The following TRPM6 variants were observed in gnomAD, a reference collection of about 807,000 sequenced individuals.
TRPM6 encodes channel kinase 2.
Under a neutral mutation model 247.6 loss-of-function variants are expected in TRPM6, and 111 were observed. The ratio of observed to expected loss-of-function variants is 0.45; its 90% confidence interval spans 0.38 to 0.52. The LOEUF (loss-of-function observed/expected upper bound fraction) is 0.52, where lower values mean the gene tolerates loss of function less well. Among genes scored for constraint, TRPM6 ranks in the 20% least tolerant of loss-of-function variants. The pLI is 0.00. For missense variants in TRPM6, 2,126 were observed against 2,421.5 expected (o/e 0.88, Z 2.56); for synonymous variants, 892 against 853.8 (o/e 1.04, Z -0.78).
intron 28 of TRPM6, 110 bp from the exon 29 acceptor site, chr9:74,752,478 A>G (rs1298557570): frequency 1.5e-6 from 1 of 680,452 alleles, no homozygotes; most frequent in East Asian, 2.8e-5. Context: ...AAACTTGGAT[A>G]TAGTTTTCCC....
At chr9:74,818,228 T>C (rs967040440) in intron 9 of TRPM6, among the ~76,000 whole-genome samples, 24 of 149,804 alleles carry the variant, frequency 1.6e-4, no homozygotes, top group Non-Finnish European at 2.5e-4. Flanking sequence ...CTGTGGCAAA[T>C]AGAAAGTGCA....
intron 38 of TRPM6, 83 bp downstream of exon 38, chr9:74,728,156 G>A (rs532596635): frequency 1.3e-5 from 14 of 1,092,368 alleles, no homozygotes; most frequent in African/African-American, 9.3e-5. Context: ...ATGTGATTAC[G>A]ATTTTCTACT....
rs1419581597 is a variant in TRPM6 at position 74,802,122 on chromosome 9, T to C, written c.1785A>G (p.Val595=). 10 of 1,614,058 alleles carry C rather than the reference T, an allele frequency of 6.2e-6. No homozygotes were observed. Among genetic ancestry groups the C allele is most frequent in the African/African-American group, 4.0e-5 (3 of 74,946 alleles). Residue 595 remains valine (V), a synonymous_variant, in exon 16 of 39, where the codon GTA becomes GTG. Coordinates refer to ENST00000360774, the MANE Select transcript of TRPM6 (RefSeq NM_017662.5). ...KSRKKSKEQN[V]SDDPESTGFL... is the part of the protein sequence containing the mutation. ...AGCCAGTAGACTCAGGGTCATCTGATACATTTTGTTCTTTTGACTTCTTCC... is the reference window on the plus strand; with the variant it reads ...AGCCAGTAGACTCAGGGTCATCTGACACATTTTGTTCTTTTGACTTCTTCC...
chr9:74,730,098 T>TA (rs1825471425), intron 37 of TRPM6, among the ~76,000 whole-genome samples: 1 of 152,214 alleles, frequency 6.6e-6, no homozygotes, highest in Non-Finnish European at 1.5e-5. Flanking sequence ...CTTGCAGTCT[T>TA]AGATAACCAG....
chr9:74,723,861 A>AAT lies in TRPM6; in HGVS notation c.*750_*751dup, dbSNP rs377601263. On this transcript the variant is annotated 3_prime_UTR_variant, in exon 39 of 39. Transcript: ENST00000360774. ...TATTCCATATGTATTTTATATATAT[A>AAT]ATATATATATTCCATATATATTATA... is the stretch of plus-strand genomic sequence containing the variant. 3 of 146,782 alleles carry AAT rather than the reference A, an allele frequency of 2.0e-5. No individual in the cohort carries two copies. Among genetic ancestry groups the AAT allele is most frequent in the African/African-American group, 5.0e-5 (2 of 40,322 alleles). 9.1% of individuals were successfully genotyped at this position (146,782 alleles called of 1,614,324 possible).
intron 3 of TRPM6, among the ~76,000 whole-genome samples, chr9:74,842,601 G>T (rs1468176532): frequency 6.6e-6 from 1 of 152,150 alleles, no homozygotes; most frequent in African/African-American, 2.4e-5. Context: ...GACATTGAAA[G>T]TTTGGTTCCA....
intron 37 of TRPM6, 123 bp from the exon 38 acceptor site, chr9:74,728,468 A>G (rs1825407596): frequency 1.2e-5 from 9 of 726,528 alleles, no homozygotes; most frequent in South Asian, 1.2e-4. Flanking sequence ...CCAACAAAAA[A>G]CAGAGCACTT....
chr9:74,784,105 A>G (rs1439181046), intron 21 of TRPM6, among the ~76,000 whole-genome samples: 1 of 151,970 alleles, frequency 6.6e-6, no homozygotes. Flanking sequence ...AAAAATAAAA[A>G]ATTAGCCGGG....
intron 37 of TRPM6, among the ~76,000 whole-genome samples, chr9:74,731,575 A>G (rs183237591): frequency 1.8e-4 from 28 of 151,834 alleles, no homozygotes; most frequent in African/African-American, 6.5e-4. Context: ...AGAAGCCTAC[A>G]TGTTTAGATT....
chr9:74,737,444 C>T, intron 36 of TRPM6: 1 of 1,289,676 alleles, frequency 7.8e-7, no homozygotes, highest in South Asian at 1.2e-5. Flanking sequence ...ATCCCAGAAC[C>T]AGAGAGCTGG....
chr9:74,784,343 A>T (rs912215523), intron 21 of TRPM6, among the ~76,000 whole-genome samples: 1 of 152,086 alleles, frequency 6.6e-6, no homozygotes, highest in Non-Finnish European at 1.5e-5. Flanking sequence ...GACAGACTGG[A>T]GCTAGGTGGC....
chr9:74,781,812 T>C (rs1446798537), intron 23 of TRPM6, among the ~76,000 whole-genome samples: 4 of 152,178 alleles, frequency 2.6e-5, no homozygotes, highest in Non-Finnish European at 5.9e-5. Context: ...TACATTGTAC[T>C]TTCCCCCCAC....
intron 27 of TRPM6, among the ~76,000 whole-genome samples, chr9:74,755,983 T>C (rs1316582633): frequency 6.6e-6 from 1 of 152,176 alleles, no homozygotes; most frequent in Non-Finnish European, 1.5e-5. Context: ...TTTTCCTTCA[T>C]TACTAAAATA....
At chr9:74,773,474 C>T (rs1008758496) in intron 24 of TRPM6, among the ~76,000 whole-genome samples, 6 of 152,214 alleles carry the variant, frequency 3.9e-5, no homozygotes, top group South Asian at 2.1e-4. Flanking sequence ...AAAGACACAT[C>T]ACTAAGTGAT....
chr9:74,800,204 T>C (rs1828268798), intron 17 of TRPM6, 50 bp downstream of exon 17: 1 of 1,543,624 alleles, frequency 6.5e-7, no homozygotes, highest in Middle Eastern at 1.7e-4. Context: ...AGTACAGAAT[T>C]TTATACAAGA....
intron 28 of TRPM6, among the ~76,000 whole-genome samples, chr9:74,753,337 G>A (rs576632687): frequency 1.3e-5 from 2 of 151,854 alleles, no homozygotes; most frequent in Non-Finnish European, 2.9e-5. Context: ...AGGAGATAAC[G>A]GTTGCATTTT....
At chr9:74,861,874 T>A (rs1278882662) in intron 1 of TRPM6, among the ~76,000 whole-genome samples, 1 of 152,090 alleles carries the variant, frequency 6.6e-6, no homozygotes, top group Non-Finnish European at 1.5e-5. Context: ...GGCTCACATC[T>A]TCCCTGGACT....
At chr9:74,887,762 G>A in intron 1 of TRPM6, 62 bp downstream of exon 1, 4 of 1,613,702 alleles carry the variant, frequency 2.5e-6, no homozygotes, top group Non-Finnish European at 3.4e-6. Flanking sequence ...AAGGCCGGGG[G>A]CGCAGATCTA....
chr9:74,752,403 T>G, intron 28 of TRPM6, 35 bp from the exon 29 acceptor site: 1 of 1,178,342 alleles, frequency 8.5e-7, no homozygotes, highest in Non-Finnish European at 1.2e-6. Flanking sequence ...AGAAAATACA[T>G]GAAAATGTGT....
Sources: gnomAD v4.1 joint callset for allele counts (sites outside exome capture counted in the v4.1 genomes callset) on GRCh38, gnomAD v4.1.1 for gene constraint, MANE v1.5 for transcripts, NCBI Gene and HGNC (gene_info 2026-07-23, HGNC 2026-07-21) for gene names.